UBE2L3: variants seen among roughly 807,000 people sequenced by gnomAD.
UBE2L3 encodes the protein ubiquitin-conjugating enzyme E2 L3.
Under a neutral mutation model 17.8 loss-of-function variants are expected in UBE2L3, and 1 was observed. That is an observed-to-expected ratio of 0.06 (90% CI 0.02 to 0.27). The LOEUF (loss-of-function observed/expected upper bound fraction) is 0.27. Among genes scored for constraint, UBE2L3 ranks in the 10% least tolerant of loss-of-function variants. The pLI, the probability that UBE2L3 is intolerant of heterozygous loss-of-function variation, is 1.00. For missense variants in UBE2L3, 40 were observed against 192.6 expected (o/e 0.21, Z 4.69); for synonymous variants, 44 against 68.5 (o/e 0.64, Z 1.76).
chr22:21,601,470 G>C (rs1430953756), intron 2 of UBE2L3, among the ~76,000 whole-genome samples: 1 of 151,370 alleles, frequency 6.6e-6, no homozygotes, highest in Non-Finnish European at 1.5e-5. Context: ...GTACCACTAC[G>C]CCTGGCTAAT....
At chr22:21,567,523 C>A, upstream of UBE2L3, 1 of 958,248 alleles carries the variant, frequency 1.0e-6, no homozygotes, top group Non-Finnish European at 1.5e-6. Context: ...CTGGTTGTAA[C>A]TGCCATCTGA....
At chr22:21,606,930 G>A (rs753539876) in intron 2 of UBE2L3, among the ~76,000 whole-genome samples, 2 of 152,178 alleles carry the variant, frequency 1.3e-5, no homozygotes, top group East Asian at 1.9e-4. Flanking sequence ...CTGCCTGCCC[G>A]CAGCCTCCTG....
intron 1 of UBE2L3, among the ~76,000 whole-genome samples, chr22:21,560,724 T>G (rs984734764): frequency 6.6e-6 from 1 of 150,862 alleles, no homozygotes; most frequent in African/African-American, 2.5e-5. Flanking sequence ...GTGCTGAGAT[T>G]ACAGGCATGA....
chr22:21,581,048 C>T (rs1201228950), intron 1 of UBE2L3, among the ~76,000 whole-genome samples: 1 of 148,526 alleles, frequency 6.7e-6, no homozygotes. Context: ...GCCACCATGC[C>T]CGGCTAATTT....
At chr22:21,620,309 T>C (rs1246925694) in intron 3 of UBE2L3, among the ~76,000 whole-genome samples, 6 of 152,014 alleles carry the variant, frequency 3.9e-5, no homozygotes, top group African/African-American at 1.5e-4. Flanking sequence ...GCTTGTAGTC[T>C]CAGCTACTCA....
chr22:21,581,022 G>A (rs568243962), intron 1 of UBE2L3, among the ~76,000 whole-genome samples: 1 of 151,512 alleles, frequency 6.6e-6, no homozygotes, highest in Non-Finnish European at 1.5e-5. Context: ...TTGGGTAGCT[G>A]GGACTACAGG....
intron 1 of UBE2L3, among the ~76,000 whole-genome samples, chr22:21,584,971 A>T (rs1251104331): frequency 1.3e-5 from 2 of 152,162 alleles, no homozygotes; most frequent in Non-Finnish European, 2.9e-5. Flanking sequence ...AAACAAACAA[A>T]AAACAACAAA....
At chr22:21,566,815 C>T (rs1926656861), upstream of UBE2L3, among the ~76,000 whole-genome samples, 1 of 152,054 alleles carries the variant, frequency 6.6e-6, no homozygotes. Context: ...CTCCAGTCCT[C>T]CCAGCTGTTC....
intron 3 of UBE2L3, among the ~76,000 whole-genome samples, chr22:21,619,030 C>T (rs4821116): frequency 0.18 from 28,063 of 152,008 alleles, 3,446 homozygotes; most frequent in East Asian, 0.41. Context: ...AATGCTAATG[C>T]GGTAGTAATT....
chr22:21,586,728 C>T (rs1248967658), intron 1 of UBE2L3, among the ~76,000 whole-genome samples: 10 of 151,796 alleles, frequency 6.6e-5, no homozygotes, highest in African/African-American at 7.3e-5. Flanking sequence ...CCACCATGCC[C>T]GGCTAATTTT....
intron 1 of UBE2L3, among the ~76,000 whole-genome samples, chr22:21,576,141 G>A (rs1469040417): frequency 6.8e-6 from 1 of 146,454 alleles, no homozygotes; most frequent in Non-Finnish European, 1.5e-5. Flanking sequence ...TTGAGGCGGA[G>A]TCTCGCTCTT....
intron 1 of UBE2L3, among the ~76,000 whole-genome samples, chr22:21,572,176 T>C (rs1927004329): frequency 1.3e-5 from 2 of 152,040 alleles, no homozygotes; most frequent in Non-Finnish European, 2.9e-5. Context: ...GACTCACACC[T>C]GTAATCCCAG....
At chr22:21,613,688 G>T (rs576763976) in intron 3 of UBE2L3, among the ~76,000 whole-genome samples, 31 of 152,288 alleles carry the variant, frequency 2.0e-4, no homozygotes, top group African/African-American at 7.5e-4. Flanking sequence ...CTGGAGGTTG[G>T]CTGGGCTTAG....
intron 1 of UBE2L3, among the ~76,000 whole-genome samples, chr22:21,560,353 C>T (rs1330972098): frequency 6.6e-6 from 1 of 152,278 alleles, no homozygotes; most frequent in Non-Finnish European, 1.5e-5. Context: ...CCCATTGCTG[C>T]TATCAGCGTC....
intron 1 of UBE2L3, among the ~76,000 whole-genome samples, chr22:21,576,180 T>C (rs1476383688): frequency 6.6e-6 from 1 of 150,894 alleles, no homozygotes; most frequent in Non-Finnish European, 1.5e-5. Context: ...AATGGTGTGA[T>C]CTTGGTTCAC....
At chr22:21,570,357 G>A (rs548865524) in intron 1 of UBE2L3, among the ~76,000 whole-genome samples, 6 of 152,216 alleles carry the variant, frequency 3.9e-5, no homozygotes, top group Middle Eastern at 3.4e-3. Flanking sequence ...CATTAACTGA[G>A]TATTTATTAA....
chr22:21,616,032 T>C (rs1426828148), intron 3 of UBE2L3, among the ~76,000 whole-genome samples: 2 of 152,196 alleles, frequency 1.3e-5, no homozygotes, highest in Admixed American at 1.3e-4. Context: ...TGAGTTATAG[T>C]GCTGCTGAGT....
chr22:21,576,137 C>T lies in UBE2L3; in HGVS notation c.27+8366C>T, dbSNP rs1457371860. On this transcript the variant is annotated intron_variant, in intron 1 of 3. Transcript: ENST00000342192. ...CTTTTTTTTTTTTTTTTTTTTGAGG[C>T]GGAGTCTCGCTCTTTCACCCAGGCT... is the stretch of plus-strand genomic sequence containing the variant. Among the ~76,000 whole-genome samples, 5 of 114,688 alleles carry T rather than the reference C, an allele frequency of 4.4e-5. No individual in the cohort carries two copies. The East Asian group carries it at 7.2e-4, about 17-fold the overall frequency. The allele number at this position is 114,688 out of a possible 152,430, so 75.2% of individuals were successfully genotyped here.
intron 3 of UBE2L3, 95 bp from the exon 4 acceptor site, chr22:21,621,420 G>T: frequency 7.0e-7 from 1 of 1,438,372 alleles, no homozygotes; most frequent in Admixed American, 2.7e-5. Flanking sequence ...TAAATCAGTT[G>T]TAAAGCCAGA....
Sources: allele counts gnomAD v4.1 joint callset (sites outside exome capture counted in the v4.1 genomes callset), GRCh38; gene constraint gnomAD v4.1.1; transcripts MANE v1.5; gene names NCBI Gene and HGNC (gene_info 2026-07-23, HGNC 2026-07-21).